The following ADCY8 variants were observed in gnomAD, a reference collection of about 807,000 sequenced individuals.
ADCY8 encodes adenylate cyclase type 8.
In ADCY8, 51 loss-of-function variants were observed where a neutral mutation model predicts 119.7. The observed-to-expected ratio is 0.43, with a 90% confidence interval of 0.34 to 0.54. ADCY8 has a LOEUF of 0.54. Ranked by LOEUF, ADCY8 falls within the 20% of genes least tolerant of loss-of-function variation. The pLI is 0.03. For synonymous variants in ADCY8, 665 were observed against 651.0 expected (o/e 1.02, Z -0.33); for missense variants, 1,383 against 1,598.8 (o/e 0.87, Z 2.30).
intron 1 of ADCY8, chr8:130,990,764 T>C: frequency 2.2e-6 from 1 of 457,140 alleles, no homozygotes; most frequent in Non-Finnish European, 3.7e-6. Flanking sequence ...AAGGCTTCTT[T>C]CTCCCCAGGT....
intron 1 of ADCY8, among the ~76,000 whole-genome samples, chr8:131,038,078 G>A (rs1197621495): frequency 6.6e-6 from 1 of 152,170 alleles, no homozygotes; most frequent in Non-Finnish European, 1.5e-5. Flanking sequence ...AGTCACCTGA[G>A]CAAAGGAATA....
chr8:130,939,861 C>T (rs928895994), intron 4 of ADCY8, among the ~76,000 whole-genome samples: 6 of 152,164 alleles, frequency 3.9e-5, no homozygotes, highest in African/African-American at 1.4e-4. Flanking sequence ...CTGAACATGG[C>T]AGAGCAGGTA....
chr8:130,962,710 ACTTTTGGG>A (rs1402666806), intron 2 of ADCY8, among the ~76,000 whole-genome samples: 2 of 152,202 alleles, frequency 1.3e-5, no homozygotes, highest in Non-Finnish European at 2.9e-5. Flanking sequence ...ATCAGACAGC[ACTTTTGGG>A]CTTACACATA....
chr8:130,920,102 C>T (rs958559003), intron 5 of ADCY8, among the ~76,000 whole-genome samples: 1 of 143,480 alleles, frequency 7.0e-6, no homozygotes, highest in African/African-American at 2.6e-5. Flanking sequence ...ATGATTGCAC[C>T]ACTGTGCTTT....
rs59553335 is a variant in ADCY8 at position 130,885,663 on chromosome 8, CA to C, written c.1912-903del. 9.4e-5 allele frequency among the ~76,000 whole-genome samples: 14 copies of C among 149,170 alleles called. No homozygotes were observed. In the East Asian group the frequency reaches 2.8e-3, roughly 29 times the overall value. ...TAAGGCAGCTTCTTAGACCAAAAAA[CA>C]AAAAAAAAAGTGTGAGTTGGACCTG... On this transcript the variant is annotated intron_variant, in intron 7 of 17. Transcript: ENST00000286355.
At chr8:130,857,015 T>C (rs921408076) in intron 9 of ADCY8, among the ~76,000 whole-genome samples, 5 of 150,520 alleles carry the variant, frequency 3.3e-5, no homozygotes, top group Non-Finnish European at 7.4e-5. Context: ...TTAGTTCTTA[T>C]AAAGTGTCTG....
chr8:130,991,769 T>C (rs1257607830), intron 1 of ADCY8, among the ~76,000 whole-genome samples: 1 of 152,278 alleles, frequency 6.6e-6, no homozygotes, highest in African/African-American at 2.4e-5. Flanking sequence ...CTGACCCAGA[T>C]GTTGGAATCA....
At position 130,783,684 on chromosome 8, in the gene ADCY8, T is replaced by C; in HGVS notation, c.3268+7A>G. 2.5e-6 allele frequency: 4 copies of C among 1,607,306 alleles called. No homozygotes were observed. The highest frequency in any genetic ancestry group is 2.6e-6 in the Non-Finnish European group (3 of 1,175,040). ...TCTATCAGGCCCCACCTGCAGCTGCTACTCACCAATCCGGAGTTCAAAATT... is the reference window on the plus strand; with the variant it reads ...TCTATCAGGCCCCACCTGCAGCTGCCACTCACCAATCCGGAGTTCAAAATT... On this transcript the variant is annotated splice_region_variant and intron_variant, in intron 17 of 17. Coordinates refer to ENST00000286355, the MANE Select transcript of ADCY8 (RefSeq NM_001115.3).
intron 1 of ADCY8, among the ~76,000 whole-genome samples, chr8:130,992,244 T>A (rs1427867810): frequency 6.7e-6 from 1 of 148,510 alleles, no homozygotes; most frequent in African/African-American, 2.5e-5. Context: ...CATGCCCAGC[T>A]AATTTTTGTA....
intron 1 of ADCY8, among the ~76,000 whole-genome samples, chr8:131,004,043 C>T (rs1412929642): frequency 6.6e-6 from 1 of 152,074 alleles, no homozygotes; most frequent in Non-Finnish European, 1.5e-5. Flanking sequence ...GCTGGAGTAA[C>T]TGCAGAGAAA....
At position 130,812,629 on chromosome 8, in the gene ADCY8, C is replaced by T. The variant is rs1192270121; in HGVS notation, c.2913+1440G>A. Among the ~76,000 whole-genome samples the T allele has an allele frequency of 2.6e-5, 4 of 152,352 alleles. No homozygotes were observed. In the East Asian group the frequency reaches 7.7e-4, roughly 29 times the overall value. ...GGAAAAGCCAAGGAGAGATTCTCCC[C>T]CAGACCCTATGGAGAGGGCATGAGA... On this transcript the variant is annotated intron_variant, in intron 14 of 17. Coordinates refer to ENST00000286355, the MANE Select transcript of ADCY8 (RefSeq NM_001115.3).
At chr8:130,835,623 G>A (rs894870815) in intron 12 of ADCY8, among the ~76,000 whole-genome samples, 9 of 152,090 alleles carry the variant, frequency 5.9e-5, no homozygotes, top group South Asian at 2.1e-4. Context: ...GCAGTAATAC[G>A]TTTGTCCCTT....
At chr8:131,030,976 C>G (rs1316931232) in intron 1 of ADCY8, among the ~76,000 whole-genome samples, 3 of 152,280 alleles carry the variant, frequency 2.0e-5, no homozygotes, top group African/African-American at 7.2e-5. Flanking sequence ...CTTTTCCATG[C>G]CTGCAAAGCA....
chr8:130,958,176 A>G (rs1430449146), intron 2 of ADCY8, among the ~76,000 whole-genome samples: 1 of 152,244 alleles, frequency 6.6e-6, no homozygotes, highest in Non-Finnish European at 1.5e-5. Context: ...GACCCAGGAC[A>G]TACCCCAACG....
At chr8:130,835,554 G>A (rs1406409228) in intron 12 of ADCY8, among the ~76,000 whole-genome samples, 2 of 152,058 alleles carry the variant, frequency 1.3e-5, no homozygotes, top group Non-Finnish European at 2.9e-5. Context: ...CTTGCCTTGG[G>A]CTGTTTTTCT....
At chr8:130,826,208 G>A (rs921239775) in intron 12 of ADCY8, among the ~76,000 whole-genome samples, 3 of 152,090 alleles carry the variant, frequency 2.0e-5, no homozygotes, top group Non-Finnish European at 4.4e-5. Context: ...GAGGAAGATG[G>A]CACTCACATC....
intron 1 of ADCY8, among the ~76,000 whole-genome samples, chr8:130,995,665 A>G (rs1039184175): frequency 2.0e-5 from 3 of 151,930 alleles, no homozygotes; most frequent in Non-Finnish European, 4.4e-5. Flanking sequence ...ACTACTCTCC[A>G]TACTTCTTGC....
At chr8:130,883,517 G>T (rs1391311072) in intron 8 of ADCY8, among the ~76,000 whole-genome samples, 1 of 152,118 alleles carries the variant, frequency 6.6e-6, no homozygotes, top group Non-Finnish European at 1.5e-5. Context: ...AAGCTCATTG[G>T]GAATGCTGTA....
intron 14 of ADCY8, among the ~76,000 whole-genome samples, chr8:130,810,550 A>G (rs953347609): frequency 2.0e-5 from 3 of 152,186 alleles, no homozygotes; most frequent in East Asian, 3.9e-4. Context: ...CATCAATACT[A>G]TGAGGCTGAT....
Sources: allele counts gnomAD v4.1 joint callset (sites outside exome capture counted in the v4.1 genomes callset), GRCh38; gene constraint gnomAD v4.1.1; transcripts MANE v1.5; gene names NCBI Gene and HGNC (gene_info 2026-07-23, HGNC 2026-07-21).